The following SPTAN1 variants were observed in gnomAD, a reference collection of about 807,000 sequenced individuals.
SPTAN1 encodes spectrin alpha chain, non-erythrocytic 1.
In SPTAN1, 61 loss-of-function variants were observed where a neutral mutation model predicts 331.3. The ratio of observed to expected loss-of-function variants is 0.18; its 90% confidence interval spans 0.15 to 0.23. The LOEUF (loss-of-function observed/expected upper bound fraction) is 0.23. SPTAN1 is among the 10% of genes least tolerant of loss of function. The pLI, the probability that SPTAN1 is intolerant of heterozygous loss-of-function variation, is 1.00. For synonymous variants in SPTAN1, 1,153 were observed against 1,173.9 expected (o/e 0.98, Z 0.36); for missense variants, 2,043 against 3,147.9 (o/e 0.65, Z 8.40).
chr9:128,561,445 C>T lies in SPTAN1; in HGVS notation c.-3-5293C>T, dbSNP rs1428116405. On this transcript the variant is annotated intron_variant, in intron 1 of 56. Coordinates refer to ENST00000372739, the MANE Select transcript of SPTAN1 (RefSeq NM_001130438.3). ...TTTGGAGGCCGAGGCAGGCAGATCA[C>T]GAGGTCAAGAGATCGAGACCATCCT... Among the ~76,000 whole-genome samples, 3 of 150,600 alleles carry T rather than the reference C, an allele frequency of 2.0e-5. No homozygotes were observed. In the East Asian group the frequency reaches 5.8e-4, roughly 29 times the overall value.
chr9:128,598,249 C>T, intron 24 of SPTAN1, 151 bp from the exon 25 acceptor site: 1 of 654,970 alleles, frequency 1.5e-6, no homozygotes, highest in South Asian at 1.7e-5. Flanking sequence ...TGCCCCCAGC[C>T]ATAGCTTATT....
At chr9:128,624,567 C>T in intron 46 of SPTAN1, 80 bp downstream of exon 46, 1 of 1,521,986 alleles carries the variant, frequency 6.6e-7, no homozygotes, top group East Asian at 2.3e-5. Context: ...TTTTCTTCTG[C>T]AGAGAAGAAA....
At chr9:128,562,009 G>GT (rs1849429640) in intron 1 of SPTAN1, among the ~76,000 whole-genome samples, 3 of 152,286 alleles carry the variant, frequency 2.0e-5, no homozygotes, top group African/African-American at 7.2e-5. Context: ...ATGTGGCAGT[G>GT]TTATAAGATG....
chr9:128,630,563 T>C (rs1859546070), intron 52 of SPTAN1, 188 bp downstream of exon 52: 1 of 597,920 alleles, frequency 1.7e-6, no homozygotes, highest in South Asian at 1.9e-5. Context: ...ATGGAATCTC[T>C]CTCTCGCCCA....
intron 1 of SPTAN1, among the ~76,000 whole-genome samples, chr9:128,555,551 ATTTG>A (rs1244612954): frequency 2.7e-5 from 4 of 149,104 alleles, no homozygotes; most frequent in Non-Finnish European, 4.5e-5. Context: ...ATTGGTTAGG[ATTTG>A]TTTGGGGTTT....
chr9:128,580,917 C>A lies in SPTAN1; in HGVS notation c.1324-5C>A, dbSNP rs777050169. On this transcript the variant is annotated splice_polypyrimidine_tract_variant and splice_region_variant and intron_variant, in intron 10 of 56. Transcript: ENST00000372739. The stretch of plus-strand genomic sequence containing the variant: ...CTCCCTGACCATGTCTCCTATGCCC[C>A]CAAGCTGACCGTCCTTTCCGAGGAG... The A allele has an allele frequency of 6.2e-7, 1 of 1,612,598 alleles. No homozygotes were observed. Among genetic ancestry groups the A allele is most frequent in the Non-Finnish European group, 8.5e-7 (1 of 1,180,010 alleles).
chr9:128,593,134 C>G, intron 23 of SPTAN1, 92 bp downstream of exon 23: 2 of 1,389,580 alleles, frequency 1.4e-6, no homozygotes, highest in Non-Finnish European at 2.0e-6. Context: ...CTTTGTCCAT[C>G]CAGAAAGATG....
In SPTAN1 at chr9:128,577,095, T is replaced by G; in HGVS notation, c.786-34T>G. ...TGTTCCTAGTTCTAGGGAGTCATCA[T>G]TGCTGTGGATTAACTGGTGCCTTTG... On this transcript the variant is annotated intron_variant, in intron 6 of 56. Coordinates refer to ENST00000372739, the MANE Select transcript of SPTAN1 (RefSeq NM_001130438.3). The surrounding 1 kb of genome is among the most constrained non-coding windows in gnomAD (Gnocchi z 4.2). 6.2e-7 allele frequency: 1 copy of G among 1,614,166 alleles called. No individual in the cohort carries two copies. Among genetic ancestry groups the G allele is most frequent in the Non-Finnish European group, 8.5e-7 (1 of 1,180,038 alleles).
chr9:128,577,000 A>T (rs767246459), intron 6 of SPTAN1, 44 bp downstream of exon 6: 9 of 1,613,804 alleles, frequency 5.6e-6, no homozygotes, highest in Non-Finnish European at 6.8e-6. Flanking sequence ...CTCAACCTGG[A>T]GGGGAGTTGT....
chr9:128,582,552 A>G lies in SPTAN1; in HGVS notation c.1646A>G (p.Asp549Gly). 6.2e-7 allele frequency: 1 copy of G among 1,613,912 alleles called. No homozygotes were observed. Among genetic ancestry groups the G allele is most frequent in the Non-Finnish European group, 8.5e-7 (1 of 1,180,044 alleles). Reference protein sequence around the residue: ...YAMEDVATRRDALLSRRNALH... With the variant: ...YAMEDVATRRGALLSRRNALH... ...ATGGAAGATGTGGCCACTCGCCGAG[A>G]TGCTGTAAGTTTGTAGGTTCTTCAT... is the stretch of plus-strand genomic sequence containing the variant. Residue 549 changes from aspartate (D) to glycine (G), a missense_variant, in exon 13 of 57, where the codon GAT becomes GGT. Coordinates refer to ENST00000372739, the MANE Select transcript of SPTAN1 (RefSeq NM_001130438.3).
Position 128,581,847 on chromosome 9 carries a change from C to T in SPTAN1, c.1527C>T (p.His509=), listed in dbSNP as rs201555611. ...GTGTGGAAGCGCTTCTTAAGAAGCACGAAGACTTTGAGAAATCCCTTAGTG... is the reference window on the plus strand; with the variant it reads ...GTGTGGAAGCGCTTCTTAAGAAGCATGAAGACTTTGAGAAATCCCTTAGTG... ...LDSVEALLKK[H]EDFEKSLSAQ... is the part of the protein sequence containing the mutation. Residue 509 remains histidine, a synonymous_variant, in exon 12 of 57, where the codon CAC becomes CAT. Coordinates refer to ENST00000372739, the MANE Select transcript of SPTAN1 (RefSeq NM_001130438.3). 48 of 1,613,892 alleles carry T rather than the reference C, an allele frequency of 3.0e-5. No homozygotes were observed. Among genetic ancestry groups the T allele is most frequent in the African/African-American group, 2.8e-4 (21 of 74,972 alleles).
chr9:128,563,994 C>T (rs73618492), intron 1 of SPTAN1, among the ~76,000 whole-genome samples: 4,617 of 152,096 alleles, frequency 0.03, 222 homozygotes, highest in African/African-American at 0.11. Context: ...GATACAGGAC[C>T]GGACATGGTG....
intron 45 of SPTAN1, among the ~76,000 whole-genome samples, chr9:128,623,499 A>G (rs1010769698): frequency 1.3e-5 from 2 of 151,792 alleles, no homozygotes; most frequent in Non-Finnish European, 2.9e-5. Context: ...TGTGTTGCCC[A>G]GGCTGGGGTG....
At chr9:128,624,667 T>G (rs1374750135) in intron 46 of SPTAN1, 180 bp downstream of exon 46, 2 of 748,500 alleles carry the variant, frequency 2.7e-6, no homozygotes, top group African/African-American at 3.5e-5. Flanking sequence ...AGGCCAGAAC[T>G]GCCACCCGGA....
intron 21 of SPTAN1, among the ~76,000 whole-genome samples, chr9:128,589,269 CT>C (rs1215621214): frequency 6.9e-6 from 1 of 144,648 alleles, no homozygotes; most frequent in East Asian, 2.0e-4. Context: ...CCTGTTGGTT[CT>C]TTTTTTTTCT....
At chr9:128,581,493 CA>C (rs1211838472) in intron 11 of SPTAN1, among the ~76,000 whole-genome samples, 1 of 139,012 alleles carries the variant, frequency 7.2e-6, no homozygotes, top group East Asian at 2.1e-4. Context: ...AAAAAACAAA[CA>C]AAAAAAACAA....
At chr9:128,616,143 T>C (rs1231474027) in intron 41 of SPTAN1, among the ~76,000 whole-genome samples, 3 of 151,942 alleles carry the variant, frequency 2.0e-5, no homozygotes, top group Non-Finnish European at 4.4e-5. Context: ...AAGGAAGGAG[T>C]TGCTTTTTTT....
chr9:128,556,024 A>G (rs1848598811), intron 1 of SPTAN1, among the ~76,000 whole-genome samples: 1 of 152,116 alleles, frequency 6.6e-6, no homozygotes, highest in Admixed American at 6.5e-5. Flanking sequence ...GTTCAAGACC[A>G]GCCTGGCCAA....
intron 21 of SPTAN1, 45 bp from the exon 22 acceptor site, chr9:128,591,432 C>A: frequency 6.2e-7 from 1 of 1,613,386 alleles, no homozygotes; most frequent in South Asian, 1.1e-5. Flanking sequence ...GATTCTCCCT[C>A]TCAGAGAAGG....
Sources: allele counts gnomAD v4.1 joint callset (sites outside exome capture counted in the v4.1 genomes callset), GRCh38; gene constraint gnomAD v4.1.1; non-coding constraint Gnocchi (gnomAD v3.1); transcripts MANE v1.5; gene names NCBI Gene and HGNC (gene_info 2026-07-23, HGNC 2026-07-21).